EYS: variants seen among roughly 807,000 people sequenced by gnomAD.
The protein encoded by EYS is protein eyes shut homolog.
EYS carries 250 observed loss-of-function variants against 282.1 expected under a neutral mutation model. That is an observed-to-expected ratio of 0.89 (90% CI 0.80 to 0.98). The LOEUF is 0.98. EYS is among the 50% of genes least tolerant of loss of function. The probability of loss-of-function intolerance (pLI) is 0.00; values close to 1 mark genes in which losing one functional copy is unlikely to be tolerated. For missense variants in EYS, 4,016 were observed against 3,709.0 expected (o/e 1.08, Z -2.15); for synonymous variants, 1,355 against 1,282.9 (o/e 1.06, Z -1.20).
chr6:64,464,457 A>G (rs919803013), intron 26 of EYS, among the ~76,000 whole-genome samples: 4 of 152,152 alleles, frequency 2.6e-5, no homozygotes, highest in African/African-American at 7.2e-5. Flanking sequence ...TTAGCAAAGA[A>G]AAAAAGATAA....
intron 30 of EYS, among the ~76,000 whole-genome samples, chr6:64,271,861 A>G (rs189216731): frequency 4.6e-5 from 7 of 151,544 alleles, no homozygotes; most frequent in Admixed American, 4.6e-4. Flanking sequence ...TTTTTTTGAG[A>G]CAGAGTCTCA....
At chr6:65,442,791 T>A (rs1358060565) in intron 5 of EYS, among the ~76,000 whole-genome samples, 1 of 148,900 alleles carries the variant, frequency 6.7e-6, no homozygotes, top group Non-Finnish European at 1.5e-5. Flanking sequence ...TAAAAAAAAA[T>A]ATATAGACAC....
intron 31 of EYS, among the ~76,000 whole-genome samples, chr6:64,104,970 C>T (rs1772959327): frequency 6.6e-6 from 1 of 151,064 alleles, no homozygotes; most frequent in Non-Finnish European, 1.5e-5. Context: ...ATATTCAGTT[C>T]AACCAATACA....
At chr6:64,228,739 A>G (rs1766326832) in intron 31 of EYS, among the ~76,000 whole-genome samples, 1 of 152,150 alleles carries the variant, frequency 6.6e-6, no homozygotes, top group Non-Finnish European at 1.5e-5. Context: ...TCACTTTCCT[A>G]TATTCTGCCA....
chr6:64,598,448 G>A (rs1053410414), intron 24 of EYS, among the ~76,000 whole-genome samples: 1 of 152,216 alleles, frequency 6.6e-6, no homozygotes. Flanking sequence ...GCGACAGTGC[G>A]AGACTCCGTC....
intron 15 of EYS, among the ~76,000 whole-genome samples, chr6:64,940,351 A>C (rs1017013833): frequency 2.6e-5 from 4 of 152,182 alleles, no homozygotes; most frequent in South Asian, 4.1e-4. Context: ...CGCATATACA[A>C]GTTATCTTAA....
intron 30 of EYS, among the ~76,000 whole-genome samples, chr6:64,266,054 C>G (rs1767749886): frequency 6.6e-6 from 1 of 151,926 alleles, no homozygotes; most frequent in African/African-American, 2.4e-5. Context: ...TTCACAAGAA[C>G]TGAAAATGTC....
chr6:63,725,132 A>G (rs909411239), intron 42 of EYS, among the ~76,000 whole-genome samples: 16 of 152,196 alleles, frequency 1.1e-4, no homozygotes, highest in Middle Eastern at 3.4e-3. Context: ...AATTTTCATG[A>G]TTTTCTTATA....
intron 2 of EYS, among the ~76,000 whole-genome samples, chr6:65,611,094 C>T (rs1219275567): frequency 6.6e-6 from 1 of 151,570 alleles, no homozygotes; most frequent in Non-Finnish European, 1.5e-5. Context: ...AATTAATGCC[C>T]AGGAAATAAT....
intron 14 of EYS, among the ~76,000 whole-genome samples, chr6:64,993,378 C>A (rs1208237778): frequency 6.6e-6 from 1 of 151,516 alleles, no homozygotes; most frequent in East Asian, 2.0e-4. Flanking sequence ...ATATATACAC[C>A]ATGGACTACT....
chr6:64,271,465 A>G (rs906625620), intron 30 of EYS, among the ~76,000 whole-genome samples: 1 of 152,188 alleles, frequency 6.6e-6, no homozygotes, highest in Non-Finnish European at 1.5e-5. Context: ...TCTCATTTGT[A>G]GCATAATTAA....
chr6:65,320,459 A>G (rs896631766), intron 11 of EYS, among the ~76,000 whole-genome samples: 2 of 152,110 alleles, frequency 1.3e-5, no homozygotes, highest in African/African-American at 4.8e-5. Flanking sequence ...CAGCCCTGGG[A>G]CTGGTGCAGA....
chr6:65,145,825 A>T (rs1391321287), intron 12 of EYS, among the ~76,000 whole-genome samples: 1 of 152,024 alleles, frequency 6.6e-6, no homozygotes, highest in African/African-American at 2.4e-5. Flanking sequence ...TGCATTTCAG[A>T]AGAATATTAG....
At chr6:65,700,589 T>C (rs1986013643) in intron 1 of EYS, among the ~76,000 whole-genome samples, 3 of 152,224 alleles carry the variant, frequency 2.0e-5, no homozygotes, top group Non-Finnish European at 4.4e-5. Flanking sequence ...CTCTGGTGCG[T>C]AATATTGAGC....
At chr6:65,377,842 G>A (rs903335559) in intron 8 of EYS, among the ~76,000 whole-genome samples, 40 of 152,102 alleles carry the variant, frequency 2.6e-4, no homozygotes, top group East Asian at 9.7e-4. Context: ...AAGAAAATCC[G>A]TAACTAAACC....
intron 12 of EYS, among the ~76,000 whole-genome samples, chr6:65,174,191 T>A (rs1249530967): frequency 6.6e-6 from 1 of 151,236 alleles, no homozygotes; most frequent in African/African-American, 2.4e-5. Flanking sequence ...ACCACTTTCT[T>A]ATGTAGAAAA....
intron 41 of EYS, among the ~76,000 whole-genome samples, chr6:63,727,137 T>C (rs1349878547): frequency 6.6e-6 from 1 of 151,770 alleles, no homozygotes; most frequent in Non-Finnish European, 1.5e-5. Context: ...GGATATATTA[T>C]AAGGCATAAT....
chr6:64,626,522 G>A (rs1767615732), intron 22 of EYS, among the ~76,000 whole-genome samples: 1 of 152,110 alleles, frequency 6.6e-6, no homozygotes, highest in South Asian at 2.1e-4. Flanking sequence ...TTAACTCGGT[G>A]GGCTCTAAAT....
intron 28 of EYS, among the ~76,000 whole-genome samples, chr6:64,393,200 G>GTAGAA (rs1332026827): frequency 6.6e-6 from 1 of 152,064 alleles, no homozygotes; most frequent in African/African-American, 2.4e-5. Context: ...TCTACCATAG[G>GTAGAA]TACAAGGAGG....
Sources: gnomAD v4.1 joint callset for allele counts (sites outside exome capture counted in the v4.1 genomes callset) on GRCh38, gnomAD v4.1.1 for gene constraint, MANE v1.5 for transcripts, NCBI Gene and HGNC (gene_info 2026-07-23, HGNC 2026-07-21) for gene names.